The following TMCO6 variants were observed in gnomAD, a reference collection of about 807,000 sequenced individuals.
TMCO6 encodes the protein transmembrane and coiled-coil domain-containing protein 6.
Under a neutral mutation model 61.8 loss-of-function variants are expected in TMCO6, and 47 were observed. That is an observed-to-expected ratio of 0.76 (90% CI 0.60 to 0.97). TMCO6 has a LOEUF of 0.97. TMCO6 is among the 50% of genes least tolerant of loss of function. TMCO6 has a pLI of 0.00. For missense variants in TMCO6, 557 were observed against 601.6 expected (o/e 0.93, Z 0.78); for synonymous variants, 261 against 254.2 (o/e 1.03, Z -0.25).
At chr5:140,609,555 G>A in the TMCO6 span, among the ~76,000 whole-genome samples, 114 of 151,440 alleles carry the variant, frequency 7.5e-4, 1 homozygote, top group African/African-American at 2.7e-3. Context: ...CCCTGTCCTG[G>A]ATCCAAGCCC....
downstream of TMCO6, among the ~76,000 whole-genome samples, chr5:140,646,009 C>CTTTTTT: frequency 8.1e-6 from 1 of 124,122 alleles, no homozygotes; most frequent in African/African-American, 3.0e-5. Flanking sequence ...CATTCTCTCT[C>CTTTTTT]TTTTTTTTTT....
chr5:140,609,920 T>G, the TMCO6 span, among the ~76,000 whole-genome samples: 1 of 152,080 alleles, frequency 6.6e-6, no homozygotes, highest in African/African-American at 2.4e-5. Flanking sequence ...TCACCCAGGA[T>G]GGAATGCAGT....
chr5:140,635,393 T>A (rs1415672536), upstream of TMCO6, among the ~76,000 whole-genome samples: 2 of 152,254 alleles, frequency 1.3e-5, no homozygotes, highest in Non-Finnish European at 2.9e-5. Context: ...GTAAAGTCTT[T>A]GGCACAGAAA....
the TMCO6 span, among the ~76,000 whole-genome samples, chr5:140,604,941 G>A: frequency 1.3e-5 from 2 of 152,166 alleles, no homozygotes; most frequent in South Asian, 2.1e-4. Context: ...GTTGTTCTGT[G>A]TCAATATTAA....
At chr5:140,608,312 G>A in the TMCO6 span, among the ~76,000 whole-genome samples, 48,355 of 152,000 alleles carry the variant, frequency 0.32, 9,586 homozygotes, top group East Asian at 0.53. Flanking sequence ...TGGAGAAATG[G>A]CTATTCAAGC....
chr5:140,642,238 A>T, intron 4 of TMCO6, 77 bp from the exon 5 acceptor site: 1 of 1,432,046 alleles, frequency 7.0e-7, no homozygotes, highest in Non-Finnish European at 9.5e-7. Context: ...CGTCCCCATC[A>T]CCTCCCCTCC....
the TMCO6 span, among the ~76,000 whole-genome samples, chr5:140,631,121 C>T: frequency 6.6e-6 from 1 of 152,224 alleles, no homozygotes; most frequent in Non-Finnish European, 1.5e-5. Flanking sequence ...CACAGGATCT[C>T]TAATTCAGAG....
At position 140,645,186 on chromosome 5, in the gene TMCO6, G is replaced by T; in HGVS notation, c.*88G>T. 1 of 1,341,568 alleles carries T rather than the reference G, an allele frequency of 7.5e-7. No individual in the cohort carries two copies. The highest frequency in any genetic ancestry group is 2.3e-5 in the East Asian group (1 of 43,124). The allele number at this position is 1,341,568 out of a possible 1,614,324, so 83.1% of individuals were successfully genotyped here. ...GCCTTTGGAGATTTAGGACCATAAT[G>T]AGGTCTCATGTTCTCTGCTCCCACA... On this transcript the variant is annotated 3_prime_UTR_variant, in exon 12 of 12. Transcript: ENST00000394671.
upstream of TMCO6, among the ~76,000 whole-genome samples, chr5:140,635,039 C>T (rs1756735261): frequency 6.6e-6 from 1 of 152,232 alleles, no homozygotes; most frequent in South Asian, 2.1e-4. Flanking sequence ...GCCTCGGCCT[C>T]CCAAAGTGCT....
Position 140,644,589 on chromosome 5 carries a change from G to A in TMCO6, c.1217G>A (p.Cys406Tyr). 6.2e-7 allele frequency: 1 copy of A among 1,614,224 alleles called. No individual in the cohort carries two copies. Among genetic ancestry groups the A allele is most frequent in the Non-Finnish European group, 8.5e-7 (1 of 1,180,042 alleles). The change falls in exon 11 of 12, where the codon TGC (cysteine) becomes TAC (tyrosine). Residue 406 changes from cysteine (C) to tyrosine (Y), a missense_variant. Physicochemically the swap from Cys to Tyr is radical, Grantham distance 194 (BLOSUM62 -2). Transcript: ENST00000394671. Reference protein sequence around the residue: ...VVSVMVLTVLCNVAEKGPAYC... With the variant: ...VVSVMVLTVLYNVAEKGPAYC... ...TATCTGCAGGTGCTCACAGTTCTGT[G>A]CAATGTTGCAGAAAAGGGTCCTGCT...
the TMCO6 span, among the ~76,000 whole-genome samples, chr5:140,600,479 T>G: frequency 9.9e-5 from 15 of 152,048 alleles, no homozygotes; most frequent in East Asian, 2.9e-3. Flanking sequence ...GTTTTTTTTT[T>G]TTTTGAGACA....
In TMCO6 at chr5:140,642,062, T is replaced by C. The variant is rs1480632200; in HGVS notation, c.498+9T>C. ...ACAGCTCAGACTTCATAGTAAGCCC[T>C]GTCCCTTCCTATCTTGTTCTTGGTT... On this transcript the variant is annotated intron_variant, in intron 4 of 11. Transcript: ENST00000394671. 3.0e-5 allele frequency: 47 copies of C among 1,593,062 alleles called. No homozygotes were observed. Among genetic ancestry groups the C allele is most frequent in the Non-Finnish European group, 4.0e-5 (47 of 1,163,468 alleles).
chr5:140,636,710 G>C (rs1467322163), upstream of TMCO6, among the ~76,000 whole-genome samples: 1 of 152,092 alleles, frequency 6.6e-6, no homozygotes, highest in Non-Finnish European at 1.5e-5. Flanking sequence ...ATGGCCTGTA[G>C]ATATTTTAAC....
At chr5:140,630,540 C>T in the TMCO6 span, among the ~76,000 whole-genome samples, 30 of 152,240 alleles carry the variant, frequency 2.0e-4, no homozygotes, top group African/African-American at 7.0e-4. Context: ...CTTTGTATTT[C>T]AGGCTTTAGC....
chr5:140,647,320 A>G (rs371008733), downstream of TMCO6: 3 of 1,598,540 alleles, frequency 1.9e-6, no homozygotes, highest in African/African-American at 2.7e-5. Context: ...GTAGGTCGGG[A>G]TTCGCCTTCT....
intron 10 of TMCO6, 85 bp from the exon 11 acceptor site, chr5:140,644,488 A>G: frequency 1.3e-6 from 2 of 1,497,666 alleles, no homozygotes; most frequent in African/African-American, 2.8e-5. Context: ...GTGCCTGGGC[A>G]TGTGGTCACC....
chr5:140,620,125 C>T, the TMCO6 span, among the ~76,000 whole-genome samples: 19 of 152,266 alleles, frequency 1.2e-4, no homozygotes, highest in African/African-American at 4.3e-4. Context: ...TTGGGGGCAA[C>T]TAAGATGTCC....
downstream of TMCO6, chr5:140,647,402 G>C (rs749897719): frequency 8.1e-6 from 13 of 1,611,058 alleles, no homozygotes; most frequent in Admixed American, 3.3e-5. Context: ...CTGTGGGCGG[G>C]GGCTTCCCTC....
In TMCO6 at chr5:140,639,589, G is replaced by C; in HGVS notation, c.62G>C (p.Arg21Pro). Residue 21 changes from arginine to proline, a missense_variant, in exon 1 of 12, where the codon CGC becomes CCC. By Grantham distance (103) the Arg-to-Pro change is moderately radical (BLOSUM62 -2). Coordinates refer to ENST00000394671, the MANE Select transcript of TMCO6 (RefSeq NM_018502.5). ...GTCTGCGGGGTGGAGGAGCTACGGC[G>C]CCGCCGGCGGGAGCGGGAGGCAGGT... ...PTVCGVEELRRRRREREAALR... is the reference protein window; with the variant it reads ...PTVCGVEELRPRRREREAALR... 1 of 1,544,362 alleles carries C rather than the reference G, an allele frequency of 6.5e-7. No homozygotes were observed. The highest frequency in any genetic ancestry group is 8.7e-7 in the Non-Finnish European group (1 of 1,143,874).
Sources: gnomAD v4.1 joint callset for allele counts (sites outside exome capture counted in the v4.1 genomes callset) on GRCh38, gnomAD v4.1.1 for gene constraint, MANE v1.5 for transcripts, NCBI Gene and HGNC (gene_info 2026-07-23, HGNC 2026-07-21) for gene names.